KIF1A: variants seen among roughly 807,000 people sequenced by gnomAD.
KIF1A encodes the protein kinesin-like protein KIF1A.
KIF1A carries 46 observed loss-of-function variants against 227.3 expected under a neutral mutation model. That is an observed-to-expected ratio of 0.20 (90% CI 0.16 to 0.26). The LOEUF (loss-of-function observed/expected upper bound fraction) is 0.26. Among genes scored for constraint, KIF1A ranks in the 10% least tolerant of loss-of-function variants. The pLI, the probability that KIF1A is intolerant of heterozygous loss-of-function variation, is 1.00. For synonymous variants in KIF1A, 1,022 were observed against 1,012.8 expected, an observed-to-expected ratio of 1.01 and a Z score of -0.17; for missense variants, 1,683 against 2,485.9, an observed-to-expected ratio of 0.68 and a Z score of 6.87.
chr2:240,732,792 GGGATGAGGGGA>G (rs2046886604), intron 38 of KIF1A, among the ~76,000 whole-genome samples: 2 of 110,898 alleles, frequency 1.8e-5, no homozygotes, highest in Non-Finnish European at 3.8e-5. Context: ...GAGGGGATAA[GGGATGAGGGGA>G]TGAGGGAGGG....
chr2:240,780,770 C>CCACACA (rs113684618), intron 10 of KIF1A, among the ~76,000 whole-genome samples: 1 of 71,504 alleles, frequency 1.4e-5, no homozygotes, highest in Non-Finnish European at 2.6e-5. Context: ...CCACACAGCT[C>CCACACA]CACACACACA....
In KIF1A at chr2:240,717,362, GT is replaced by G; in HGVS notation, c.*1del. 1 of 1,611,526 alleles carries G rather than the reference GT, an allele frequency of 6.2e-7. No homozygotes were observed. On this transcript the variant is annotated 3_prime_UTR_variant, in exon 49 of 49. Transcript: ENST00000498729. Reference sequence around the variant, plus strand: ...TGCCGGCTGTCACGGGAGGGCTCAGGTTCAGACCCGCATCTGGGCAGACCTC... The same window carrying G: ...TGCCGGCTGTCACGGGAGGGCTCAGGTCAGACCCGCATCTGGGCAGACCTC...
chr2:240,793,169 G>T lies in KIF1A; in HGVS notation c.107-3857C>A. Among the ~76,000 whole-genome samples the T allele has an allele frequency of 6.6e-6, 1 of 152,340 alleles. No homozygotes were observed. Among genetic ancestry groups the T allele is most frequent in the Non-Finnish European group, 1.5e-5 (1 of 68,016 alleles). ...CTGCTCGGGATTGGGGGAGCCCACA[G>T]CGGAGGCTGGGGGCCTGGGTCGCAC... On this transcript the variant is annotated intron_variant, in intron 2 of 48. Transcript: ENST00000498729. This position sits in a 1 kb window ranked among gnomAD's most constrained non-coding sequence, Gnocchi z 4.8.
chr2:240,784,088 C>A (rs932898027), intron 7 of KIF1A, among the ~76,000 whole-genome samples: 2 of 152,234 alleles, frequency 1.3e-5, no homozygotes, highest in African/African-American at 4.8e-5. Context: ...GTGGTTTTCA[C>A]ACAAGGGCGT....
At chr2:240,721,319 C>T (rs974308044) in intron 44 of KIF1A, among the ~76,000 whole-genome samples, 17 of 152,226 alleles carry the variant, frequency 1.1e-4, no homozygotes, top group Non-Finnish European at 2.1e-4. Flanking sequence ...TCTGCCCTGC[C>T]GCCTCCTGCC....
At chr2:240,819,287 G>A (rs997735598) in intron 1 of KIF1A, among the ~76,000 whole-genome samples, 1 of 152,128 alleles carries the variant, frequency 6.6e-6, no homozygotes, top group Non-Finnish European at 1.5e-5. Context: ...CGGGCGCCGG[G>A]GGCGCGCCGC....
In KIF1A at chr2:240,717,292, C is replaced by G. The variant is rs1193951429; in HGVS notation, c.*72G>C. 7.0e-7 allele frequency: 1 copy of G among 1,421,550 alleles called. No homozygotes were observed. The highest frequency in any genetic ancestry group is 9.8e-7 in the Non-Finnish European group (1 of 1,016,346). 88.1% of individuals were successfully genotyped at this position (1,421,550 alleles called of 1,614,324 possible). On this transcript the variant is annotated 3_prime_UTR_variant, in exon 49 of 49. Transcript: ENST00000498729. ...GTCTGGCAGGAGAGGGGCTGGGCGG[C>G]AGGTGACAGGACAGACGAGGATGAG...
chr2:240,758,607 A>G lies in KIF1A; in HGVS notation c.2445-110T>C. Reference sequence around the variant, plus strand: ...GGCTCAGCCTAGCTCTGGCCACCACATCCAGCTCAGGGTCATCAAGGTCCA... The same window carrying G: ...GGCTCAGCCTAGCTCTGGCCACCACGTCCAGCTCAGGGTCATCAAGGTCCA... On this transcript the variant is annotated intron_variant, in intron 25 of 48. Transcript: ENST00000498729. The surrounding 1 kb of genome is among the most constrained non-coding windows in gnomAD (Gnocchi z 5.2). 1 of 1,176,790 alleles carries G rather than the reference A, an allele frequency of 8.5e-7. No individual in the cohort carries two copies. The highest frequency in any genetic ancestry group is 1.1e-6 in the Non-Finnish European group (1 of 886,552). The allele number at this position is 1,176,790 out of a possible 1,614,324, so 72.9% of individuals were successfully genotyped here.
intron 9 of KIF1A, 66 bp from the exon 10 acceptor site, chr2:240,782,673 A>T: frequency 6.6e-7 from 1 of 1,517,848 alleles, no homozygotes; most frequent in Non-Finnish European, 8.9e-7. Flanking sequence ...GTGGGGGCGG[A>T]AGAGCAGGCG....
intron 1 of KIF1A, among the ~76,000 whole-genome samples, chr2:240,802,185 G>C (rs1432429339): frequency 3.3e-5 from 5 of 149,822 alleles, no homozygotes; most frequent in Non-Finnish European, 5.9e-5. Flanking sequence ...GAAACCAAAA[G>C]ACAAGACTGC....
rs1349816382 is a variant in KIF1A at position 240,721,861 on chromosome 2, T to C, written c.4689A>G (p.Thr1563=). 4.4e-6 allele frequency: 7 copies of C among 1,607,166 alleles called. No individual in the cohort carries two copies. The highest frequency in any genetic ancestry group is 3.3e-5 in the Admixed American group (2 of 59,792). Residue 1563 remains threonine (T), a synonymous_variant, in exon 44 of 49, where the codon ACA becomes ACG. Coordinates refer to ENST00000498729, the MANE Select transcript of KIF1A (RefSeq NM_001244008.2). Reference sequence around the variant, plus strand: ...GGCTGTGTGTGTACTCTCTGTTGAATGTGTGCGTGAGCAGGCGCAAGCACT... The same window carrying C: ...GGCTGTGTGTGTACTCTCTGTTGAACGTGTGCGTGAGCAGGCGCAAGCACT... ...AVKCLRLLTH[T]FNREYTHSHV...
intron 10 of KIF1A, among the ~76,000 whole-genome samples, chr2:240,777,340 G>A (rs1393966926): frequency 1.3e-5 from 2 of 152,172 alleles, no homozygotes; most frequent in African/African-American, 4.8e-5. Flanking sequence ...CACCGCGCCC[G>A]GCCTCTAGTT....
chr2:240,776,544 C>A (rs966255303), intron 10 of KIF1A, among the ~76,000 whole-genome samples: 4 of 152,228 alleles, frequency 2.6e-5, no homozygotes, highest in African/African-American at 9.6e-5. Flanking sequence ...GCTCTTGCTG[C>A]CTCTTTGGCT....
Position 240,752,549 on chromosome 2 carries a change from G to A in KIF1A, c.2859-2002C>T, listed in dbSNP as rs1339007370. Among the ~76,000 whole-genome samples the A allele has an allele frequency of 6.6e-6, 1 of 152,210 alleles. No individual in the cohort carries two copies. The highest frequency in any genetic ancestry group is 2.1e-4 in the South Asian group (1 of 4,830). Reference sequence around the variant, plus strand: ...AACTGAGCAAAGCTAAGTTGTCCAGGAGTGGGGGTGGGGAGAGCCAGAACT... The same window carrying A: ...AACTGAGCAAAGCTAAGTTGTCCAGAAGTGGGGGTGGGGAGAGCCAGAACT... On this transcript the variant is annotated intron_variant, in intron 27 of 48. Transcript: ENST00000498729. This position sits in a 1 kb window ranked among gnomAD's most constrained non-coding sequence, Gnocchi z 6.4.
Position 240,757,451 on chromosome 2 carries a change from T to TCCC in KIF1A, c.2725_2726insGGG (p.Glu908_Glu909insGly). ...CTCCTCCTCCTCCTCCTCCTCCTCC[T>TCCC]CCTCCCCCACGCTCTGCTCCTCGGC... On this transcript the variant is annotated inframe_insertion, in exon 27 of 49. Transcript: ENST00000498729. The surrounding 1 kb of genome is among the most constrained non-coding windows in gnomAD (Gnocchi z 6.2). 1 of 1,545,382 alleles carries TCCC rather than the reference T, an allele frequency of 6.5e-7. No individual in the cohort carries two copies.
rs987934698 is a variant in KIF1A, at chr2:240,762,654, A to G, written c.2116+65T>C. On this transcript the variant is annotated intron_variant, in intron 23 of 48. Transcript: ENST00000498729. ...ACCAGTGACCTCCAGGGAGAGGCCC[A>G]GGGCTGCCCACCTCCATGCTGAGAC... The G allele has an allele frequency of 9.6e-6, 14 of 1,460,682 alleles. No individual in the cohort carries two copies. In the Admixed American group the frequency reaches 2.6e-4, roughly 27 times the overall value. The allele number at this position is 1,460,682 out of a possible 1,614,324, so 90.5% of individuals were successfully genotyped here. A position where few individuals can be genotyped will look rare whatever the true frequency, so the allele number is the denominator to read the frequency against.
At chr2:240,782,314 G>GC in intron 10 of KIF1A, 8 of 661,754 alleles carry the variant, frequency 1.2e-5, no homozygotes, top group South Asian at 6.8e-5. Flanking sequence ...GGGCCCCCAC[G>GC]CCCCCCGGGC....
chr2:240,819,312 C>T (rs1440252768), intron 1 of KIF1A, among the ~76,000 whole-genome samples: 1 of 152,190 alleles, frequency 6.6e-6, no homozygotes, highest in African/African-American at 2.4e-5. Context: ...CTAGACCCTG[C>T]GGCCCCGCAG....
intron 27 of KIF1A, among the ~76,000 whole-genome samples, chr2:240,756,124 C>T (rs2049820978): frequency 6.6e-6 from 1 of 152,170 alleles, no homozygotes. Context: ...CTTCCACCAT[C>T]TCCACCCAAG....
Sources: allele counts gnomAD v4.1 joint callset (sites outside exome capture counted in the v4.1 genomes callset), GRCh38; gene constraint gnomAD v4.1.1; non-coding constraint Gnocchi (gnomAD v3.1); transcripts MANE v1.5; gene names NCBI Gene and HGNC (gene_info 2026-07-23, HGNC 2026-07-21).